The following CES3 variants were observed in gnomAD, a reference collection of about 807,000 sequenced individuals.
The protein encoded by CES3 is carboxylesterase 3, also known as carboxylesterase 3 (brain).
In CES3, 49 loss-of-function variants were observed where a neutral mutation model predicts 57.6. The ratio of observed to expected loss-of-function variants is 0.85; its 90% CI spans 0.68 to 1.08. The LOEUF (loss-of-function observed/expected upper bound fraction) is 1.08, where lower values mean the gene tolerates loss of function less well. Among genes scored for constraint, CES3 ranks in the 50% least tolerant of loss-of-function variants. CES3 has a pLI of 0.00. For missense variants in CES3, 645 were observed against 742.0 expected, an observed-to-expected ratio of 0.87 and a Z score of 1.52; for synonymous variants, 266 against 281.6, an observed-to-expected ratio of 0.94 and a Z score of 0.55.
intron 1 of CES3, 68 bp downstream of exon 1, chr16:66,961,457 G>A: frequency 1.5e-6 from 2 of 1,322,572 alleles, no homozygotes; most frequent in Admixed American, 1.9e-5. Context: ...ACAGGGACAG[G>A]GAGCAGTGGG....
chr16:66,961,465 G>A (rs987250982), intron 1 of CES3, 76 bp downstream of exon 1: 17 of 1,200,250 alleles, frequency 1.4e-5, no homozygotes, highest in Admixed American at 2.0e-5. Flanking sequence ...AGGGAGCAGT[G>A]GGCCGACCGC....
chr16:66,970,405 G>A (rs549023468), intron 9 of CES3, among the ~76,000 whole-genome samples: 4 of 152,304 alleles, frequency 2.6e-5, no homozygotes, highest in South Asian at 2.1e-4. Context: ...CACCGCGCCC[G>A]GCGCTGCAAC....
At chr16:66,964,773 C>T (rs763800512) in intron 6 of CES3, 46 bp downstream of exon 6, 1 of 1,512,028 alleles carries the variant, frequency 6.6e-7, no homozygotes, top group African/African-American at 1.4e-5. Context: ...CCTCCCATAC[C>T]CCACTCTGTG....
At position 66,975,095 on chromosome 16, in the gene CES3, C is replaced by T. The variant is rs1047594588; in HGVS notation, c.*2046C>T. 9.2e-5 allele frequency: 14 copies of T among 152,370 alleles called. No homozygotes were observed. Among genetic ancestry groups the T allele is most frequent in the African/African-American group, 3.4e-4 (14 of 41,564 alleles). The allele number at this position is 152,370 out of a possible 1,614,324, so 9.4% of individuals were successfully genotyped here. A position where few individuals can be genotyped will look rare whatever the true frequency, so the allele number is the denominator to read the frequency against. ...TGACAACCCCCCTCGGGTCCCCTCC[C>T]ACGCCGTGGAAGCTTTGTTCTTTCG... On this transcript the variant is annotated 3_prime_UTR_variant, in exon 13 of 13. Coordinates refer to ENST00000303334, the MANE Select transcript of CES3 (RefSeq NM_024922.6).
At chr16:66,961,455 A>G (rs954621000) in intron 1 of CES3, 66 bp downstream of exon 1, 19 of 1,351,066 alleles carry the variant, frequency 1.4e-5, no homozygotes, top group Admixed American at 1.1e-4. Flanking sequence ...AGACAGGGAC[A>G]GGGAGCAGTG....
At chr16:66,971,558 C>T (rs1174874446) in intron 10 of CES3, among the ~76,000 whole-genome samples, 2 of 152,166 alleles carry the variant, frequency 1.3e-5, no homozygotes, top group Non-Finnish European at 2.9e-5. Flanking sequence ...AATGACTCAC[C>T]AAAGGTCACC....
At chr16:66,971,074 G>A (rs1963823405) in intron 9 of CES3, 98 bp from the exon 10 acceptor site, 1 of 1,385,982 alleles carries the variant, frequency 7.2e-7, no homozygotes, top group Non-Finnish European at 9.7e-7. Flanking sequence ...TCAGCCCTGG[G>A]ATTTGAGGGA....
Position 66,964,637 on chromosome 16 carries a change from G to T in CES3, c.729G>T (p.Val243=). 4 of 1,614,046 alleles carry T rather than the reference G, an allele frequency of 2.5e-6. No homozygotes were observed. Among genetic ancestry groups the T allele is most frequent in the Non-Finnish European group, 3.4e-6 (4 of 1,179,968 alleles). The change falls in exon 6 of 13, where the codon GTG becomes GTT. Residue 243 remains valine, a synonymous_variant. Transcript: ENST00000303334. ...SIISGLVLSP[V]AAGLFHRAIT... is the part of the protein sequence containing the mutation. ...AATGCACCCAGGTCCTGTCCCCAGT[G>T]GCTGCAGGGCTGTTCCACAGAGCCA...
intron 8 of CES3, 62 bp from the exon 9 acceptor site, chr16:66,969,617 G>T: frequency 6.6e-7 from 1 of 1,521,454 alleles, no homozygotes; most frequent in East Asian, 2.3e-5. Flanking sequence ...TCTTGCCCAG[G>T]GCTGGGAGTC....
In CES3 at chr16:66,972,885, C is replaced by A. The variant is rs1169356658; in HGVS notation, c.1552C>A (p.Pro518Thr). The A allele has an allele frequency of 6.2e-7, 1 of 1,614,190 alleles. No homozygotes were observed. The change falls in exon 13 of 13, where the codon CCC becomes ACC. Residue 518 changes from proline (P) to threonine (T), a missense_variant. Transcript: ENST00000303334. ...CAATAGCAAGGCTCTGCCTCCTTGGCCCCAATTCAACCAGGCGGAACAATA... is the reference window on the plus strand; with the variant it reads ...CAATAGCAAGGCTCTGCCTCCTTGGACCCAATTCAACCAGGCGGAACAATA... ...DPNSKALPPW[P>T]QFNQAEQYLE...
chr16:66,970,709 G>A (rs1035793476), intron 9 of CES3, among the ~76,000 whole-genome samples: 8 of 152,198 alleles, frequency 5.3e-5, no homozygotes, highest in African/African-American at 1.9e-4. Flanking sequence ...AGTCTACCTG[G>A]GATCTCAATA....
Position 66,972,449 on chromosome 16 carries a change from C to A in CES3, c.1385C>A (p.Ala462Asp), listed in dbSNP as rs780437396. 2 of 1,614,074 alleles carry A rather than the reference C, an allele frequency of 1.2e-6. No individual in the cohort carries two copies. The highest frequency in any genetic ancestry group is 4.5e-5 in the East Asian group (2 of 44,876). The change falls in exon 11 of 13, where the codon GCC becomes GAC. Residue 462 changes from alanine to aspartate, a missense_variant. Transcript: ENST00000303334. ...KPAWVKADHG[A>D]EGAFVFGGPF... Reference sequence around the variant, plus strand: ...GCCTGGGTGAAGGCTGATCATGGGGCCGAGGGTGCTTTTGTGTTCGGAGGT... The same window carrying A: ...GCCTGGGTGAAGGCTGATCATGGGGACGAGGGTGCTTTTGTGTTCGGAGGT...
rs1252592061 is a variant in CES3 at position 66,974,816 on chromosome 16, T to G, written c.*1767T>G. ...AATCAGCACCCTGTGTCTAGCTCAGTGTTTGTGAATGCACCAATCCACACT... is the reference window on the plus strand; with the variant it reads ...AATCAGCACCCTGTGTCTAGCTCAGGGTTTGTGAATGCACCAATCCACACT... On this transcript the variant is annotated 3_prime_UTR_variant, in exon 13 of 13. Coordinates refer to ENST00000303334, the MANE Select transcript of CES3 (RefSeq NM_024922.6). 3 of 152,326 alleles carry G rather than the reference T, an allele frequency of 2.0e-5. No individual in the cohort carries two copies. Among genetic ancestry groups the G allele is most frequent in the African/African-American group, 7.2e-5 (3 of 41,416 alleles). 9.4% of individuals were successfully genotyped at this position (152,326 alleles called of 1,614,324 possible).
intron 9 of CES3, among the ~76,000 whole-genome samples, chr16:66,970,085 G>GTTTTC (rs1175373403): frequency 7.4e-5 from 11 of 149,550 alleles, no homozygotes; most frequent in East Asian, 3.9e-4. Context: ...CTGCAACTCT[G>GTTTTC]TTTTCTTTTC....
Position 66,964,390 on chromosome 16 carries a change from C to A in CES3, c.594C>A (p.Gly198=), listed in dbSNP as rs773972280. The change falls in exon 5 of 13, where the codon GGC becomes GGA. Residue 198 remains glycine, a synonymous_variant. Coordinates refer to ENST00000303334, the MANE Select transcript of CES3 (RefSeq NM_024922.6). ...ATGAGCATGCACCTGGCAACCAGGG[C>A]TTCCTAGATGTGGTAGCTGCTTTGC... ...TGDEHAPGNQ[G]FLDVVAALRW... is the part of the protein sequence containing the mutation. The A allele has an allele frequency of 1.9e-6, 3 of 1,614,016 alleles. No homozygotes were observed. The African/African-American group carries it at 4.0e-5, about 22-fold the overall frequency.
intron 4 of CES3, 77 bp downstream of exon 4, chr16:66,964,012 T>C (rs1963693590): frequency 1.3e-6 from 2 of 1,576,444 alleles, no homozygotes; most frequent in South Asian, 1.1e-5. Context: ...GGGATCTAGG[T>C]TGGGGTCCGG....
In CES3 at chr16:66,972,853, G is replaced by A; in HGVS notation, c.1521-1G>A. 3 of 1,613,972 alleles carry A rather than the reference G, an allele frequency of 1.9e-6. No individual in the cohort carries two copies. The South Asian group carries it at 3.3e-5, about 18-fold the overall frequency. On this transcript the variant is annotated splice_acceptor_variant, in intron 12 of 12. Transcript: ENST00000303334. LOFTEE classifies it high-confidence loss of function. ...GGTCCTCATTCATTCCTCCCACCCA[G>A]GGACCCCAATAGCAAGGCTCTGCCT... is the stretch of plus-strand genomic sequence containing the variant.
intron 4 of CES3, 88 bp from the exon 5 acceptor site, chr16:66,964,269 T>C: frequency 1.3e-6 from 2 of 1,540,262 alleles, no homozygotes; most frequent in South Asian, 2.4e-5. Flanking sequence ...GAGAAGGGTC[T>C]GGCATCCTGG....
Position 66,963,538 on chromosome 16 carries a change from A to G in CES3, c.335A>G (p.Asn112Ser). The G allele has an allele frequency of 1.2e-6, 2 of 1,614,190 alleles. No homozygotes were observed. The highest frequency in any genetic ancestry group is 1.1e-5 in the South Asian group (1 of 91,086). The change falls in exon 3 of 13, where the codon AAC becomes AGC. Residue 112 changes from asparagine (N) to serine (S), a missense_variant. Asn to Ser is a conservative substitution (Grantham distance 46). Coordinates refer to ENST00000303334, the MANE Select transcript of CES3 (RefSeq NM_024922.6). The surrounding 1 kb of genome is among the most constrained non-coding windows in gnomAD (Gnocchi z 4.9). ...ATGAACAGCAGCAGATTTGTCCTCA[A>G]CGGAAAACAGCAGATCTTCTCCGTT... ...ESMNSSRFVL[N>S]GKQQIFSVSE... is the part of the protein sequence containing the mutation.
Sources: gnomAD v4.1 joint callset for allele counts (sites outside exome capture counted in the v4.1 genomes callset) on GRCh38, gnomAD v4.1.1 for gene constraint, Gnocchi (gnomAD v3.1) non-coding constraint, MANE v1.5 for transcripts, NCBI Gene and HGNC (gene_info 2026-07-23, HGNC 2026-07-21) for gene names.